The following PMPCA variants were observed in gnomAD, a reference collection of about 807,000 sequenced individuals.
PMPCA encodes mitochondrial-processing peptidase subunit alpha.
Under a neutral mutation model 59.3 loss-of-function variants are expected in PMPCA, and 47 were observed. That is an observed-to-expected ratio of 0.79 (90% CI 0.63 to 1.01). The LOEUF (loss-of-function observed/expected upper bound fraction) is 1.01, where lower values mean the gene tolerates loss of function less well. Ranked by LOEUF, PMPCA falls within the 50% of genes least tolerant of loss-of-function variation. The pLI is 0.00. For missense variants in PMPCA, 726 were observed against 704.5 expected (o/e 1.03, Z -0.34); for synonymous variants, 338 against 290.3 (o/e 1.16, Z -1.67).
intron 11 of PMPCA, among the ~76,000 whole-genome samples, chr9:136,421,244 C>G (rs760438747): frequency 1.3e-5 from 2 of 152,242 alleles, no homozygotes; most frequent in Non-Finnish European, 2.9e-5. Flanking sequence ...ATTTTACCTT[C>G]TCCCGCTGCA....
Position 136,416,488 on chromosome 9 carries a change from C to T in PMPCA, c.633+97C>T, listed in dbSNP as rs775388426. ...GGGTGCCTCCGTGATGTTGTCCTTGCAGGTTATGGATATATACAGAACATT... is the reference window on the plus strand; with the variant it reads ...GGGTGCCTCCGTGATGTTGTCCTTGTAGGTTATGGATATATACAGAACATT... On this transcript the variant is annotated intron_variant, in intron 6 of 12. Transcript: ENST00000371717. The T allele has an allele frequency of 2.6e-4, 226 of 853,440 alleles. 1 individual carries two copies. The highest frequency in any genetic ancestry group is 1.9e-3 in the African/African-American group (115 of 60,612). The allele number at this position is 853,440 out of a possible 1,614,324, so 52.9% of individuals were successfully genotyped here. A position where few individuals can be genotyped will look rare whatever the true frequency, so the allele number is the denominator to read the frequency against.
intron 4 of PMPCA, among the ~76,000 whole-genome samples, 158 bp from the exon 5 acceptor site, chr9:136,414,395 C>A (rs866752074): frequency 1.3e-5 from 2 of 151,950 alleles, no homozygotes; most frequent in Admixed American, 6.6e-5. Flanking sequence ...AGGTAGGTGC[C>A]CCTGGCATGC....
chr9:136,417,360 AGGGCATGGAC>A, intron 7 of PMPCA, 146 bp downstream of exon 7: 1 of 623,598 alleles, frequency 1.6e-6, no homozygotes, highest in Non-Finnish European at 2.7e-6. Context: ...GTCCCACAGC[AGGGCATGGAC>A]TGTGTCCCCT....
At chr9:136,422,191 G>C (rs951837103) in intron 12 of PMPCA, 3 of 1,505,094 alleles carry the variant, frequency 2.0e-6, no homozygotes, top group Non-Finnish European at 2.7e-6. Context: ...TGCACCTGCT[G>C]CCTCCTTGGC....
chr9:136,417,874 A>G (rs1040825333), intron 7 of PMPCA, 143 bp from the exon 8 acceptor site: 2 of 697,932 alleles, frequency 2.9e-6, no homozygotes, highest in East Asian at 2.6e-5. Context: ...TGGCCTCCCA[A>G]AGTGCTGGGA....
At chr9:136,415,076 A>C (rs559488134) in intron 5 of PMPCA, among the ~76,000 whole-genome samples, 3 of 152,290 alleles carry the variant, frequency 2.0e-5, no homozygotes, top group African/African-American at 7.2e-5. Context: ...CAACAGAGTG[A>C]GGCTTTGTCT....
At chr9:136,415,078 G>C (rs1184599681) in intron 5 of PMPCA, among the ~76,000 whole-genome samples, 1 of 152,084 alleles carries the variant, frequency 6.6e-6, no homozygotes, top group Non-Finnish European at 1.5e-5. Flanking sequence ...ACAGAGTGAG[G>C]CTTTGTCTCA....
Position 136,423,181 on chromosome 9 carries a change from G to C in PMPCA, c.1495G>C (p.Asp499His). The part of the protein sequence containing the change: ...PAVAALGDLT[D>H]LPTYEHIQTA... ...AGTGGCCGCCCTGGGTGACCTGACT[G>C]ACCTGCCCACGTATGAGCACATCCA... The change falls in exon 13 of 13, where the codon GAC (aspartate) becomes CAC (histidine). Residue 499 changes from aspartate (D) to histidine (H), a missense_variant. Coordinates refer to ENST00000371717, the MANE Select transcript of PMPCA (RefSeq NM_015160.3). The C allele has an allele frequency of 1.9e-6, 3 of 1,613,808 alleles. No individual in the cohort carries two copies. Among genetic ancestry groups the C allele is most frequent in the Non-Finnish European group, 2.5e-6 (3 of 1,180,042 alleles).
Position 136,419,043 on chromosome 9 carries a change from G to C in PMPCA, c.1201-1G>C. ...TGTTATCGTCTTGCCCTTCTTCGCA[G>C]GTTCGAGAAATGGTAGAAATCATCA... On this transcript the variant is annotated splice_acceptor_variant, in intron 10 of 12. Transcript: ENST00000371717. LOFTEE classifies it high-confidence loss of function. 1 of 1,613,936 alleles carries C rather than the reference G, an allele frequency of 6.2e-7. No homozygotes were observed. The highest frequency in any genetic ancestry group is 8.5e-7 in the Non-Finnish European group (1 of 1,179,758).
rs777637414 is a variant in PMPCA, at chr9:136,421,864, A to G, written c.1296A>G (p.Thr432=). The G allele has an allele frequency of 6.2e-6, 10 of 1,606,264 alleles. No homozygotes were observed. The highest frequency in any genetic ancestry group is 3.3e-5 in the South Asian group (3 of 90,710). The change falls in exon 12 of 13, where the codon ACA becomes ACG. Residue 432 remains threonine (T), a synonymous_variant. Coordinates refer to ENST00000371717, the MANE Select transcript of PMPCA (RefSeq NM_015160.3). ...TGGAACGAGCCAAGACGCAGCTGAC[A>G]TCAATGCTCATGATGAACCTGGAAT... ...VELERAKTQL[T]SMLMMNLESR... is the part of the protein sequence containing the mutation.
At chr9:136,419,532 C>G (rs1437593606) in intron 11 of PMPCA, 3 of 268,494 alleles carry the variant, frequency 1.1e-5, no homozygotes, top group African/African-American at 6.6e-5. Context: ...TGGGGTGTCT[C>G]GAGCCTTTCC....
chr9:136,421,737 T>C, intron 11 of PMPCA, 95 bp from the exon 12 acceptor site: 6 of 1,201,218 alleles, frequency 5.0e-6, no homozygotes, highest in Non-Finnish European at 7.1e-6. Flanking sequence ...ATGTTCAGCT[T>C]TGGGCACAGA....
chr9:136,415,155 C>T (rs1259259815), intron 5 of PMPCA, among the ~76,000 whole-genome samples: 2 of 152,130 alleles, frequency 1.3e-5, no homozygotes, highest in African/African-American at 2.4e-5. Flanking sequence ...CCTGTAATCC[C>T]GGCATTTAGG....
chr9:136,417,539 C>G (rs951939194), intron 7 of PMPCA, among the ~76,000 whole-genome samples: 1 of 150,422 alleles, frequency 6.6e-6, no homozygotes, highest in African/African-American at 2.5e-5. Context: ...GTGGTGCAAT[C>G]TCGGCTTACT....
intron 6 of PMPCA, 155 bp from the exon 7 acceptor site, chr9:136,416,796 T>C: frequency 1.6e-6 from 1 of 633,172 alleles, no homozygotes. Flanking sequence ...TCTTTATAAA[T>C]ACGCACGCAG....
At position 136,417,227 on chromosome 9, in the gene PMPCA, G is replaced by A; in HGVS notation, c.897+13G>A. On this transcript the variant is annotated intron_variant, in intron 7 of 12. Transcript: ENST00000371717. ...GGGGATTGCCAAGGTGAAGTAGCGG[G>A]AACGTCTCATGGCCTCGGGTGGGGA... 6.4e-7 allele frequency: 1 copy of A among 1,557,794 alleles called. No homozygotes were observed.
At position 136,417,035 on chromosome 9, in the gene PMPCA, T is replaced by C; in HGVS notation, c.718T>C (p.Ser240Pro). The C allele has an allele frequency of 6.2e-7, 1 of 1,613,884 alleles. No homozygotes were observed. The highest frequency in any genetic ancestry group is 8.5e-7 in the Non-Finnish European group (1 of 1,180,034). The change falls in exon 7 of 13, where the codon TCC (serine) becomes CCC (proline). Residue 240 changes from serine to proline, a missense_variant. Ser to Pro is a moderately conservative substitution (Grantham distance 74). Transcript: ENST00000371717. ...VAKINREVLH[S>P]YLRNYYTPDR... ...AAAGATCAACCGAGAGGTGCTGCAT[T>C]CCTACCTGAGGAACTACTACACTCC...
rs1176599662 is a variant in PMPCA, at chr9:136,421,966, C to T, written c.1398C>T (p.Cys466=). ...CCAGAAAGCTGCCGCACGAGCTGTG[C>T]ACGCTCATCCGTGAGTACCGCAGGG... is the stretch of plus-strand genomic sequence containing the variant. ...TRSRKLPHEL[C]TLIRNVKPED... The change falls in exon 12 of 13, where the codon TGC becomes TGT. Residue 466 remains cysteine, a synonymous_variant. Coordinates refer to ENST00000371717, the MANE Select transcript of PMPCA (RefSeq NM_015160.3). 3 of 1,611,296 alleles carry T rather than the reference C, an allele frequency of 1.9e-6. No homozygotes were observed. The highest frequency in any genetic ancestry group is 2.5e-6 in the Non-Finnish European group (3 of 1,178,896).
chr9:136,419,640 T>TGGGGCC (rs1835391387), intron 11 of PMPCA: 1 of 163,684 alleles, frequency 6.1e-6, no homozygotes, highest in African/African-American at 2.4e-5. Context: ...TGGAGTGCAG[T>TGGGGCC]AGCTCAAATT....
Sources: gnomAD v4.1 joint callset for allele counts (sites outside exome capture counted in the v4.1 genomes callset) on GRCh38, gnomAD v4.1.1 for gene constraint, MANE v1.5 for transcripts, NCBI Gene and HGNC (gene_info 2026-07-23, HGNC 2026-07-21) for gene names.